Variants in KMT2B observed in about 807,000 individuals in gnomAD.
KMT2B encodes histone-lysine N-methyltransferase 2B.
A neutral mutation model predicts 255.3 loss-of-function variants in KMT2B; 22 were observed. The ratio of observed to expected loss-of-function variants is 0.09; its 90% confidence interval spans 0.06 to 0.12. KMT2B has a LOEUF of 0.12. Among genes scored for constraint, KMT2B ranks in the 10% least tolerant of loss-of-function variants. KMT2B has a pLI of 1.00. For synonymous variants in KMT2B, 1,730 were observed against 1,498.1 expected (o/e 1.15, Z -3.57); for missense variants, 3,149 against 3,737.0 (o/e 0.84, Z 4.10).
At chr19:35,731,846 G>A (rs1042771340) in intron 26 of KMT2B, 62 bp from the exon 27 acceptor site, 17 of 1,257,120 alleles carry the variant, frequency 1.4e-5, no homozygotes, top group Non-Finnish European at 2.0e-5. Flanking sequence ...CAGGATGAGA[G>A]CATGTGGGCA....
rs1469561633 is a variant in KMT2B, at chr19:35,724,742, C to T, written c.3429+11C>T. 3.2e-6 allele frequency: 5 copies of T among 1,569,768 alleles called. No individual in the cohort carries two copies. The Admixed American group carries it at 7.5e-5, about 23-fold the overall frequency. ...AGGCGCCTGGACAAGGTCAGCACGG[C>T]CCGCTCCGAGAGCCCCTTCCCTCCA... is the stretch of plus-strand genomic sequence containing the variant. On this transcript the variant is annotated intron_variant, in intron 9 of 36. Transcript: ENST00000420124.
rs541659302 is a variant in KMT2B, at chr19:35,721,457, C to G, written c.2110C>G (p.Leu704Val). The change falls in exon 3 of 37, where the codon CTG becomes GTG. Residue 704 changes from leucine (L) to valine (V), a missense_variant. Coordinates refer to ENST00000420124, the MANE Select transcript of KMT2B (RefSeq NM_014727.3). Reference sequence around the variant, plus strand: ...AGTGGGCCGCACCAACCACCTCAGCCTGCCTCGATTCGCCCCTGTGGTCAC... The same window carrying G: ...AGTGGGCCGCACCAACCACCTCAGCGTGCCTCGATTCGCCCCTGTGGTCAC... ...RAVGRTNHLSLPRFAPVVTTP... is the reference protein window; with the variant it reads ...RAVGRTNHLSVPRFAPVVTTP... 41 of 1,612,822 alleles carry G rather than the reference C, an allele frequency of 2.5e-5. No individual in the cohort carries two copies. Among genetic ancestry groups the G allele is most frequent in the Non-Finnish European group, 3.4e-5 (40 of 1,179,846 alleles).
Position 35,737,452 on chromosome 19 carries a change from C to A in KMT2B, c.7551-184C>A. Reference sequence around the variant, plus strand: ...ATCCCGCCACTTTGGGAGGCCGAGGCAGGAGGATCGCATGAGCCCAGGAGT... The same window carrying A: ...ATCCCGCCACTTTGGGAGGCCGAGGAAGGAGGATCGCATGAGCCCAGGAGT... On this transcript the variant is annotated intron_variant, in intron 33 of 36. Transcript: ENST00000420124. The surrounding 1 kb of genome is among the most constrained non-coding windows in gnomAD (Gnocchi z 5.3). 2 of 786,036 alleles carry A rather than the reference C, an allele frequency of 2.5e-6. No homozygotes were observed. The highest frequency in any genetic ancestry group is 3.9e-6 in the Non-Finnish European group (2 of 509,530). The allele number at this position is 786,036 out of a possible 1,614,324, so 48.7% of individuals were successfully genotyped here. A position where few individuals can be genotyped will look rare whatever the true frequency, so the allele number is the denominator to read the frequency against.
chr19:35,726,945 C>G (rs1568375396), intron 14 of KMT2B, among the ~76,000 whole-genome samples: 3 of 143,414 alleles, frequency 2.1e-5, no homozygotes. Flanking sequence ...GATCTTGCCA[C>G]TGCACTCTAG....
chr19:35,718,324 C>A lies in KMT2B; in HGVS notation c.306C>A (p.Gly102=), dbSNP rs761727342. ...GACGGGGTCGGGGCCGGGGCTGGGG[C>A]CCGAGTCGAGGCTGCGTGCCGGAGG... is the stretch of plus-strand genomic sequence containing the variant. ...GRGRGRGRGW[G]PSRGCVPEEE... is the part of the protein sequence containing the mutation. Residue 102 remains glycine (G), a synonymous_variant, in exon 1 of 37, where the codon GGC becomes GGA. Coordinates refer to ENST00000420124, the MANE Select transcript of KMT2B (RefSeq NM_014727.3). The surrounding 1 kb of genome is among the most constrained non-coding windows in gnomAD (Gnocchi z 5.0). 2.4e-4 allele frequency: 296 copies of A among 1,248,380 alleles called. No homozygotes were observed. The highest frequency in any genetic ancestry group is 2.8e-4 in the Non-Finnish European group (278 of 989,222). 77.3% of individuals were successfully genotyped at this position (1,248,380 alleles called of 1,614,324 possible).
Position 35,720,195 on chromosome 19 carries a change from G to T in KMT2B, c.848G>T (p.Gly283Val), listed in dbSNP as rs752540835. 4.4e-6 allele frequency: 7 copies of T among 1,608,060 alleles called. No individual in the cohort carries two copies. In the African/African-American group the frequency reaches 9.4e-5, roughly 21 times the overall value. Residue 283 changes from glycine to valine, a missense_variant, in exon 3 of 37, where the codon GGA becomes GTA. By Grantham distance (109) the Gly-to-Val change is moderately radical. Transcript: ENST00000420124. ...GGACCTGGGACCCCCAGGCGTGGAG[G>T]ACAGTCAAGCCGTGGAGGCCGTGGA... Reference protein sequence around the residue: ...GPGPGTPRRGGQSSRGGRGGR... With the variant: ...GPGPGTPRRGVQSSRGGRGGR...
Position 35,718,690 on chromosome 19 carries a change from T to G in KMT2B, c.363+309T>G, listed in dbSNP as rs1969057967. ...GTTTGGGCGAGGAGGCAGTGGGGAC[T>G]GCATGTCCAGCCAGTCGTGGTTGAC... is the stretch of plus-strand genomic sequence containing the variant. On this transcript the variant is annotated intron_variant, in intron 1 of 36. Transcript: ENST00000420124. This position sits in a 1 kb window ranked among gnomAD's most constrained non-coding sequence, Gnocchi z 5.0. Among the ~76,000 whole-genome samples, 2 of 152,314 alleles carry G rather than the reference T, an allele frequency of 1.3e-5. No individual in the cohort carries two copies. Among genetic ancestry groups the G allele is most frequent in the South Asian group, 4.1e-4 (2 of 4,832 alleles).
At position 35,728,753 on chromosome 19, in the gene KMT2B, G is replaced by C. The variant is rs752829842; in HGVS notation, c.4572-21G>C. 4 of 1,604,876 alleles carry C rather than the reference G, an allele frequency of 2.5e-6. No homozygotes were observed. In the African/African-American group the frequency reaches 5.4e-5, roughly 21 times the overall value. ...GCTGCCCTTGTTGGGCACATCAGCTGCTAACCCTGCCTGTCCACAGCGGAG... is the reference window on the plus strand; with the variant it reads ...GCTGCCCTTGTTGGGCACATCAGCTCCTAACCCTGCCTGTCCACAGCGGAG... On this transcript the variant is annotated intron_variant, in intron 19 of 36. Transcript: ENST00000420124.
At position 35,718,410 on chromosome 19, in the gene KMT2B, C is replaced by G. The variant is rs1411987075; in HGVS notation, c.363+29C>G. On this transcript the variant is annotated intron_variant, in intron 1 of 36. Coordinates refer to ENST00000420124, the MANE Select transcript of KMT2B (RefSeq NM_014727.3). This position sits in a 1 kb window ranked among gnomAD's most constrained non-coding sequence, Gnocchi z 5.0. Reference sequence around the variant, plus strand: ...AGGCGGTTGGAGGCGTCCCCGGCGCCGGGTGGGGCGGAGGCCGGGGCTTCC... The same window carrying G: ...AGGCGGTTGGAGGCGTCCCCGGCGCGGGGTGGGGCGGAGGCCGGGGCTTCC... 4.8e-6 allele frequency: 6 copies of G among 1,244,520 alleles called. No homozygotes were observed. The highest frequency in any genetic ancestry group is 6.1e-6 in the Non-Finnish European group (6 of 985,452). The allele number at this position is 1,244,520 out of a possible 1,614,324, so 77.1% of individuals were successfully genotyped here. A position where few individuals can be genotyped will look rare whatever the true frequency, so the allele number is the denominator to read the frequency against.
Position 35,722,229 on chromosome 19 carries a change from T to TC in KMT2B, c.2458-128dup. 5.3e-6 allele frequency: 5 copies of TC among 944,632 alleles called. No homozygotes were observed. The South Asian group carries it at 6.9e-5, about 13-fold the overall frequency. 58.5% of individuals were successfully genotyped at this position (944,632 alleles called of 1,614,324 possible). ...CACATTGGCTAGGCTGGTCTTGAAC[T>TC]CCTGACCTCGTGATCTGCCCGTCTC... On this transcript the variant is annotated intron_variant, in intron 3 of 36. Coordinates refer to ENST00000420124, the MANE Select transcript of KMT2B (RefSeq NM_014727.3).
Position 35,737,019 on chromosome 19 carries a change from T to A in KMT2B, c.7372+33T>A. 1 of 1,611,212 alleles carries A rather than the reference T, an allele frequency of 6.2e-7. No individual in the cohort carries two copies. Among genetic ancestry groups the A allele is most frequent in the Non-Finnish European group, 8.5e-7 (1 of 1,178,450 alleles). ...GTGGGCCCCACAGGGGGCAGGGAGC[T>A]GGATGTCTCCCCGAGGGCACCATGG... On this transcript the variant is annotated intron_variant, in intron 32 of 36. Transcript: ENST00000420124. The surrounding 1 kb of genome is among the most constrained non-coding windows in gnomAD (Gnocchi z 5.3).
At position 35,728,070 on chromosome 19, in the gene KMT2B, C is replaced by T. The variant is rs1001992749; in HGVS notation, c.4498-28C>T. 19 of 1,578,828 alleles carry T rather than the reference C, an allele frequency of 1.2e-5. No individual in the cohort carries two copies. The African/African-American group carries it at 2.2e-4, about 18-fold the overall frequency. ...GCCAGCTCTCCTGGGGAAGCTGGCT[C>T]TTCTCATCCTGTTAACCCACTCCCC... On this transcript the variant is annotated intron_variant, in intron 18 of 36. Coordinates refer to ENST00000420124, the MANE Select transcript of KMT2B (RefSeq NM_014727.3).
intron 26 of KMT2B, among the ~76,000 whole-genome samples, chr19:35,731,259 C>T (rs2043205275): frequency 6.6e-6 from 1 of 152,236 alleles, no homozygotes; most frequent in Non-Finnish European, 1.5e-5. Context: ...TGCATCTGCT[C>T]AGCTCCCAAA....
chr19:35,734,958 T>C (rs2146475240), intron 30 of KMT2B, among the ~76,000 whole-genome samples: 1 of 152,266 alleles, frequency 6.6e-6, no homozygotes, highest in South Asian at 2.1e-4. Flanking sequence ...GCAGTGGCCT[T>C]AGGAGGTCCC....
At chr19:35,736,557 G>A in intron 30 of KMT2B, 133 bp from the exon 31 acceptor site, 1 of 1,032,440 alleles carries the variant, frequency 9.7e-7, no homozygotes, top group Middle Eastern at 2.5e-4. Flanking sequence ...GCAGAAGGAG[G>A]GCCATTAGAC....
intron 22 of KMT2B, among the ~76,000 whole-genome samples, chr19:35,729,645 C>T (rs1028919577): frequency 2.0e-5 from 3 of 152,120 alleles, no homozygotes; most frequent in African/African-American, 7.2e-5. Flanking sequence ...ACAGAGAGAC[C>T]TCAGGCACTC....
chr19:35,736,996 G>C lies in KMT2B; in HGVS notation c.7372+10G>C. ...CATCTCTCCTTTAGTGGTAAGGAGT[G>C]GGCCCCACAGGGGGCAGGGAGCTGG... On this transcript the variant is annotated intron_variant, in intron 32 of 36. Coordinates refer to ENST00000420124, the MANE Select transcript of KMT2B (RefSeq NM_014727.3). The C allele has an allele frequency of 6.2e-7, 1 of 1,612,506 alleles. No individual in the cohort carries two copies. Among genetic ancestry groups the C allele is most frequent in the Non-Finnish European group, 8.5e-7 (1 of 1,179,138 alleles).
chr19:35,721,256 C>T lies in KMT2B; in HGVS notation c.1909C>T (p.Pro637Ser). The T allele has an allele frequency of 2.0e-6, 3 of 1,526,426 alleles. No individual in the cohort carries two copies. The highest frequency in any genetic ancestry group is 2.6e-6 in the Non-Finnish European group (3 of 1,136,602). The allele number at this position is 1,526,426 out of a possible 1,614,324, so 94.6% of individuals were successfully genotyped here. The change falls in exon 3 of 37, where the codon CCT becomes TCT. Residue 637 changes from proline (P) to serine (S), a missense_variant. Coordinates refer to ENST00000420124, the MANE Select transcript of KMT2B (RefSeq NM_014727.3). ...PPPAPSPPPA[P>S]ATSSRRPLLL... is the part of the protein sequence containing the mutation. The stretch of plus-strand genomic sequence containing the variant: ...CCCGGCCCCCTCCCCACCCCCTGCT[C>T]CTGCCACCTCCTCCCGGAGGCCCCT...
At chr19:35,734,948 G>A (rs147732022) in intron 30 of KMT2B, among the ~76,000 whole-genome samples, 20 of 152,326 alleles carry the variant, frequency 1.3e-4, no homozygotes, top group Non-Finnish European at 2.8e-4. Context: ...TGAGAATATG[G>A]CAGTGGCCTT....
Sources: gnomAD v4.1 joint callset for allele counts (sites outside exome capture counted in the v4.1 genomes callset) on GRCh38, gnomAD v4.1.1 for gene constraint, Gnocchi (gnomAD v3.1) non-coding constraint, MANE v1.5 for transcripts, NCBI Gene and HGNC (gene_info 2026-07-23, HGNC 2026-07-21) for gene names.